The following SARNP variants were observed in gnomAD, a reference collection of about 807,000 sequenced individuals.
SARNP encodes the protein SAP domain containing ribonucleoprotein, also known as SAP domain-containing ribonucleoprotein.
A neutral mutation model predicts 38.1 loss-of-function variants in SARNP; 5 were observed. The observed-to-expected ratio is 0.13, with a 90% CI of 0.07 to 0.28. The LOEUF is 0.28. Ranked by LOEUF, SARNP falls within the 10% of genes least tolerant of loss-of-function variation. The pLI is 1.00. For synonymous variants in SARNP, 84 were observed against 80.6 expected, an observed-to-expected ratio of 1.04 and a Z score of -0.23; for missense variants, 180 against 243.9, an observed-to-expected ratio of 0.74 and a Z score of 1.75.
At chr12:55,803,576 C>A in intron 2 of SARNP, 53 bp downstream of exon 2, 1 of 1,092,236 alleles carries the variant, frequency 9.2e-7, no homozygotes, top group Non-Finnish European at 1.3e-6. Flanking sequence ...TTTTCAGTGT[C>A]AAAGCCTGAA....
At chr12:55,775,538 A>AG in intron 9 of SARNP, among the ~76,000 whole-genome samples, 1 of 146,418 alleles carries the variant, frequency 6.8e-6, no homozygotes, top group East Asian at 2.0e-4. Context: ...CAAAAAAAAA[A>AG]AAACAAAAAA....
chr12:55,800,773 T>C, intron 3 of SARNP, 81 bp downstream of exon 3: 1 of 1,338,166 alleles, frequency 7.5e-7, no homozygotes, highest in Non-Finnish European at 1.1e-6. Context: ...TACATCTAAG[T>C]CCTCCAATGA....
chr12:55,796,422 G>A (rs1879822185), intron 4 of SARNP, among the ~76,000 whole-genome samples: 1 of 152,150 alleles, frequency 6.6e-6, no homozygotes, highest in African/African-American at 2.4e-5. Context: ...ATTTTTCTGA[G>A]ACGGAGTTTT....
intron 6 of SARNP, 72 bp downstream of exon 6, chr12:55,794,735 T>C: frequency 1.1e-6 from 1 of 926,884 alleles, no homozygotes; most frequent in Non-Finnish European, 1.7e-6. Flanking sequence ...CAATTATACC[T>C]AAAAGCTAGG....
At chr12:55,776,404 TAA>T (rs979087153) in intron 9 of SARNP, among the ~76,000 whole-genome samples, 21 of 152,132 alleles carry the variant, frequency 1.4e-4, no homozygotes, top group Admixed American at 2.6e-4. Flanking sequence ...CGGCACTCTA[TAA>T]GTGAGACCAC....
At chr12:55,796,763 A>G (rs1305257374) in intron 4 of SARNP, among the ~76,000 whole-genome samples, 1 of 152,072 alleles carries the variant, frequency 6.6e-6, no homozygotes, top group African/African-American at 2.4e-5. Context: ...CCACCTCCCA[A>G]TGTTCATCAC....
intron 7 of SARNP, chr12:55,792,416 G>A (rs1387218119): frequency 2.0e-5 from 3 of 152,096 alleles, no homozygotes; most frequent in East Asian, 3.8e-4. Context: ...CTGTCCCCCA[G>A]GCTGGAGTAC....
chr12:55,760,775 A>C lies in SARNP; in HGVS notation c.502-135T>G. The C allele has an allele frequency of 4.7e-6, 3 of 637,882 alleles. No homozygotes were observed. The South Asian group carries it at 5.6e-5, about 12-fold the overall frequency. The allele number at this position is 637,882 out of a possible 1,614,324, so 39.5% of individuals were successfully genotyped here. On this transcript the variant is annotated intron_variant, in intron 9 of 10. Transcript: ENST00000336133. ...AGAACTAAGGATCACATAAAGAGAT[A>C]AGATACATAAGAAACTGAATAAGCT...
intron 2 of SARNP, among the ~76,000 whole-genome samples, chr12:55,801,270 G>A (rs866992371): frequency 3.9e-5 from 6 of 152,030 alleles, no homozygotes; most frequent in African/African-American, 7.2e-5. Flanking sequence ...GCGAAACCCC[G>A]TCTTTACAAA....
chr12:55,796,575 G>C (rs1359322073), intron 4 of SARNP, among the ~76,000 whole-genome samples: 1 of 152,006 alleles, frequency 6.6e-6, no homozygotes, highest in Non-Finnish European at 1.5e-5. Flanking sequence ...GCTAATTTTT[G>C]TATTTTTAGT....
chr12:55,799,195 T>A (rs73119263), intron 4 of SARNP, among the ~76,000 whole-genome samples: 17,281 of 152,182 alleles, frequency 0.11, 1,907 homozygotes, highest in African/African-American at 0.28. Context: ...AGTACTTAAT[T>A]CTTAATTGAT....
chr12:55,807,141 T>A (rs1298217885), intron 1 of SARNP, among the ~76,000 whole-genome samples: 3 of 152,104 alleles, frequency 2.0e-5, no homozygotes, highest in African/African-American at 7.2e-5. Flanking sequence ...AATATTCCAA[T>A]CAGGTCACGG....
At chr12:55,777,230 C>T (rs957171671) in intron 9 of SARNP, among the ~76,000 whole-genome samples, 2 of 152,102 alleles carry the variant, frequency 1.3e-5, no homozygotes, top group African/African-American at 4.8e-5. Context: ...CTCAGCCATG[C>T]ACCTTTAGGG....
chr12:55,770,834 C>T (rs1878985410), intron 9 of SARNP, among the ~76,000 whole-genome samples: 1 of 152,100 alleles, frequency 6.6e-6, no homozygotes, highest in Non-Finnish European at 1.5e-5. Context: ...GAATACTGCT[C>T]CTTGCTTGTG....
chr12:55,798,491 C>G (rs1879882837), intron 4 of SARNP, among the ~76,000 whole-genome samples: 1 of 152,120 alleles, frequency 6.6e-6, no homozygotes, highest in Non-Finnish European at 1.5e-5. Context: ...GAGTGAGTCC[C>G]TGTCTCAAAA....
chr12:55,783,480 C>A (rs545968161), intron 9 of SARNP, among the ~76,000 whole-genome samples: 2 of 151,904 alleles, frequency 1.3e-5, no homozygotes, highest in South Asian at 4.1e-4. Context: ...CTTCCATTAG[C>A]CTAAACCAAT....
downstream of SARNP, chr12:55,754,409 G>C (rs1878437432): frequency 6.6e-6 from 1 of 152,216 alleles, no homozygotes; most frequent in Non-Finnish European, 1.5e-5. Flanking sequence ...AGAATCAGCA[G>C]GCAGTGGCAT....
chr12:55,794,719 A>C lies in SARNP; in HGVS notation c.377+88T>G, dbSNP rs941753416. 40 of 825,852 alleles carry C rather than the reference A, an allele frequency of 4.8e-5. 1 individual carries two copies. In the East Asian group the frequency reaches 9.2e-4, roughly 19 times the overall value. The allele number at this position is 825,852 out of a possible 1,614,324, so 51.2% of individuals were successfully genotyped here. A position where few individuals can be genotyped will look rare whatever the true frequency, so the allele number is the denominator to read the frequency against. On this transcript the variant is annotated intron_variant, in intron 6 of 10. Coordinates refer to ENST00000336133, the MANE Select transcript of SARNP (RefSeq NM_033082.4). ...TTCAGCAAGCCTCTATTCTACTTAA[A>C]ATCAACAATTATACCTAAAAGCTAG...
At chr12:55,771,112 T>C (rs1190046477) in intron 9 of SARNP, among the ~76,000 whole-genome samples, 1 of 151,428 alleles carries the variant, frequency 6.6e-6, no homozygotes, top group African/African-American at 2.4e-5. Flanking sequence ...TGTTTTTTGT[T>C]TGTTTGTTTG....
Sources: allele counts gnomAD v4.1 joint callset (sites outside exome capture counted in the v4.1 genomes callset), GRCh38; gene constraint gnomAD v4.1.1; transcripts MANE v1.5; gene names NCBI Gene and HGNC (gene_info 2026-07-23, HGNC 2026-07-21).